UBE4B: variants seen among roughly 807,000 people sequenced by gnomAD.
UBE4B encodes ubiquitin conjugation factor E4 B.
A neutral mutation model predicts 148.1 loss-of-function variants in UBE4B; 27 were observed. The ratio of observed to expected loss-of-function variants is 0.18; its 90% CI spans 0.13 to 0.25. The LOEUF (loss-of-function observed/expected upper bound fraction) is 0.25, where lower values mean the gene tolerates loss of function less well. Among genes scored for constraint, UBE4B ranks in the 10% least tolerant of loss-of-function variants. UBE4B has a pLI of 1.00. For synonymous variants in UBE4B, 596 were observed against 619.3 expected (o/e 0.96, Z 0.56); for missense variants, 1,170 against 1,662.4 (o/e 0.70, Z 5.15).
chr1:10,180,465 A>AAACAT lies in UBE4B; in HGVS notation c.*511_*515dup. ...AGTAAACTCCTTTCCCTGGCCCTCC[A>AAACAT]AACATATATTCTGTGAGATAACTGT... On this transcript the variant is annotated 3_prime_UTR_variant, in exon 28 of 28. Transcript: ENST00000343090. 6.5e-6 allele frequency: 1 copy of AAACAT among 154,090 alleles called. No homozygotes were observed. The highest frequency in any genetic ancestry group is 1.9e-4 in the East Asian group (1 of 5,210). The allele number at this position is 154,090 out of a possible 1,614,324, so 9.5% of individuals were successfully genotyped here.
At chr1:10,105,795 C>T (rs1645096146) in intron 6 of UBE4B, 51 bp downstream of exon 6, 3 of 1,546,952 alleles carry the variant, frequency 1.9e-6, no homozygotes, top group Non-Finnish European at 2.7e-6. Flanking sequence ...TAACTGTGAA[C>T]TACGTAGGAG....
At chr1:10,132,592 C>A in intron 15 of UBE4B, 110 bp downstream of exon 15, 1 of 844,534 alleles carries the variant, frequency 1.2e-6, no homozygotes, top group Non-Finnish European at 1.9e-6. Context: ...CAGTATTGAA[C>A]AAGGTAGACG....
intron 1 of UBE4B, among the ~76,000 whole-genome samples, chr1:10,053,778 C>T (rs1250064389): frequency 6.6e-6 from 1 of 152,132 alleles, no homozygotes; most frequent in Non-Finnish European, 1.5e-5. Flanking sequence ...CAGCCTCGAC[C>T]TTTCGGGCTC....
At chr1:10,131,530 G>T (rs933944797) in intron 14 of UBE4B, among the ~76,000 whole-genome samples, 1 of 151,624 alleles carries the variant, frequency 6.6e-6, no homozygotes, top group East Asian at 2.0e-4. Flanking sequence ...GGTAACTAAG[G>T]TAATTTTGAT....
intron 21 of UBE4B, among the ~76,000 whole-genome samples, chr1:10,154,385 A>T (rs78737349): frequency 0.022 from 3,383 of 151,788 alleles, 48 homozygotes; most frequent in Non-Finnish European, 0.028. Context: ...AAAAAATTTT[A>T]AAAAAAAAGA....
chr1:10,161,304 A>T lies in UBE4B; in HGVS notation c.3198+18A>T. ...TGCCCCGGGTGAGGACGTGGTCCAG[A>T]GGCTTGGACAGCTTTGCAGGCCATC... On this transcript the variant is annotated intron_variant, in intron 23 of 27. Coordinates refer to ENST00000343090, the MANE Select transcript of UBE4B (RefSeq NM_001105562.3). This position sits in a 1 kb window ranked among gnomAD's most constrained non-coding sequence, Gnocchi z 4.1. The T allele has an allele frequency of 6.2e-7, 1 of 1,610,692 alleles. No individual in the cohort carries two copies. The highest frequency in any genetic ancestry group is 8.5e-7 in the Non-Finnish European group (1 of 1,177,734).
chr1:10,129,511 C>T, intron 12 of UBE4B, 63 bp downstream of exon 12: 1 of 1,515,862 alleles, frequency 6.6e-7, no homozygotes, highest in Non-Finnish European at 9.1e-7. Flanking sequence ...AGAAGGCATT[C>T]CTCTAGTGAG....
intron 1 of UBE4B, among the ~76,000 whole-genome samples, chr1:10,064,212 G>A (rs886185817): frequency 6.6e-6 from 1 of 152,084 alleles, no homozygotes; most frequent in Admixed American, 6.6e-5. Flanking sequence ...AGAAACTTAA[G>A]TCAAGTAGTA....
At chr1:10,034,478 T>TAA (rs57860112) in intron 1 of UBE4B, among the ~76,000 whole-genome samples, 14,720 of 147,146 alleles carry the variant, frequency 0.1, 854 homozygotes, top group African/African-American at 0.17. Flanking sequence ...TAGGTTGTTG[T>TAA]AAAAAAAAAA....
intron 1 of UBE4B, among the ~76,000 whole-genome samples, chr1:10,049,595 T>G (rs1044015452): frequency 6.6e-6 from 1 of 151,360 alleles, no homozygotes; most frequent in Non-Finnish European, 1.5e-5. Flanking sequence ...AAAAAAAAAT[T>G]TTTTTAAATT....
chr1:10,124,909 T>C (rs146545318), intron 10 of UBE4B, among the ~76,000 whole-genome samples: 1 of 152,118 alleles, frequency 6.6e-6, no homozygotes, highest in Non-Finnish European at 1.5e-5. Flanking sequence ...GTGGATCGCC[T>C]GAGCTCAGGA....
chr1:10,161,974 G>A lies in UBE4B; in HGVS notation c.3198+688G>A, dbSNP rs1193386168. On this transcript the variant is annotated intron_variant, in intron 23 of 27. Transcript: ENST00000343090. The surrounding 1 kb of genome is among the most constrained non-coding windows in gnomAD (Gnocchi z 4.1). Reference sequence around the variant, plus strand: ...CCATAAGGGGTTCTCATGTCAAAGTGGGGACTGCTTTTTCTTCACTTTTTC... The same window carrying A: ...CCATAAGGGGTTCTCATGTCAAAGTAGGGACTGCTTTTTCTTCACTTTTTC... 2.0e-5 allele frequency among the ~76,000 whole-genome samples: 3 copies of A among 151,436 alleles called. No homozygotes were observed. Among genetic ancestry groups the A allele is most frequent in the Admixed American group, 6.6e-5 (1 of 15,214 alleles).
chr1:10,072,359 T>C (rs1156674880), intron 2 of UBE4B, 145 bp downstream of exon 2: 1 of 961,470 alleles, frequency 1.0e-6, no homozygotes, highest in Non-Finnish European at 1.6e-6. Flanking sequence ...TAAATATCAT[T>C]GCAATGTGTT....
chr1:10,059,290 T>C (rs1183054210), intron 1 of UBE4B: 3 of 153,666 alleles, frequency 2.0e-5, no homozygotes, highest in African/African-American at 7.3e-5. Context: ...ACATTTATTA[T>C]ACAGCAACAG....
At chr1:10,107,399 C>G in intron 7 of UBE4B, 1 of 1,276,764 alleles carries the variant, frequency 7.8e-7, no homozygotes, top group Non-Finnish European at 1.0e-6. Context: ...GAGTCTTACC[C>G]CTGCATGTGC....
chr1:10,105,016 G>A (rs1355137711), intron 5 of UBE4B, among the ~76,000 whole-genome samples: 4 of 152,220 alleles, frequency 2.6e-5, no homozygotes, highest in African/African-American at 9.7e-5. Flanking sequence ...ATGGTGACTA[G>A]ATGTTGGACC....
In UBE4B at chr1:10,106,343, C is replaced by G. The variant is rs763608761; in HGVS notation, c.956C>G (p.Thr319Ser). 6.2e-7 allele frequency: 1 copy of G among 1,614,058 alleles called. No individual in the cohort carries two copies. The highest frequency in any genetic ancestry group is 8.5e-7 in the Non-Finnish European group (1 of 1,179,922). ...AGTCCTCACAGTGCAGCCTCTGGAA[C>G]TGCTGCGGGAAGCCAGCCTTCATCC... Reference protein sequence around the residue: ...PLSPHSAASGTAAGSQPSSPR... With the variant: ...PLSPHSAASGSAAGSQPSSPR... The change falls in exon 7 of 28, where the codon ACT (threonine) becomes AGT (serine). Residue 319 changes from threonine (T) to serine (S), a missense_variant. Transcript: ENST00000343090. This position sits in a 1 kb window ranked among gnomAD's most constrained non-coding sequence, Gnocchi z 4.2.
rs1033196827 is a variant in UBE4B at position 10,180,158 on chromosome 1, T to C, written c.*202T>C. 1 of 604,818 alleles carries C rather than the reference T, an allele frequency of 1.7e-6. No homozygotes were observed. Among genetic ancestry groups the C allele is most frequent in the Non-Finnish European group, 2.9e-6 (1 of 343,674 alleles). The allele number at this position is 604,818 out of a possible 1,614,324, so 37.5% of individuals were successfully genotyped here. A position where few individuals can be genotyped will look rare whatever the true frequency, so the allele number is the denominator to read the frequency against. ...CCCGCTTCCTGTACATATATTTAAGTGACAAACACGGTCAAAAGCTTAAGG... is the reference window on the plus strand; with the variant it reads ...CCCGCTTCCTGTACATATATTTAAGCGACAAACACGGTCAAAAGCTTAAGG... On this transcript the variant is annotated 3_prime_UTR_variant, in exon 28 of 28. Coordinates refer to ENST00000343090, the MANE Select transcript of UBE4B (RefSeq NM_001105562.3).
At chr1:10,160,958 T>A (rs1013954926) in intron 22 of UBE4B, among the ~76,000 whole-genome samples, 184 bp from the exon 23 acceptor site, 1 of 151,846 alleles carries the variant, frequency 6.6e-6, no homozygotes, top group Admixed American at 6.6e-5. Flanking sequence ...GAAACAAGAT[T>A]AACATAATCT....
Sources: allele counts gnomAD v4.1 joint callset (sites outside exome capture counted in the v4.1 genomes callset), GRCh38; gene constraint gnomAD v4.1.1; non-coding constraint Gnocchi (gnomAD v3.1); transcripts MANE v1.5; gene names NCBI Gene and HGNC (gene_info 2026-07-23, HGNC 2026-07-21).